CPNE4: variants seen among roughly 807,000 people sequenced by gnomAD.
The protein encoded by CPNE4 is copine 4.
CPNE4 carries 25 observed loss-of-function variants against 67.9 expected under a neutral mutation model. The observed-to-expected ratio is 0.37, with a 90% CI of 0.27 to 0.51. The LOEUF is 0.51. CPNE4 is among the 20% of genes least tolerant of loss of function. The pLI is 0.93. For synonymous variants in CPNE4, 242 were observed against 244.9 expected (o/e 0.99, Z 0.11); for missense variants, 464 against 690.8 (o/e 0.67, Z 3.68).
At chr3:131,882,987 G>T (rs551946104) in intron 2 of CPNE4, among the ~76,000 whole-genome samples, 1 of 152,188 alleles carries the variant, frequency 6.6e-6, no homozygotes, top group South Asian at 2.1e-4. Context: ...AAAGTGCTGG[G>T]ATTACAGGCG....
intron 2 of CPNE4, among the ~76,000 whole-genome samples, chr3:131,795,887 G>A (rs1481749338): frequency 2.0e-5 from 3 of 152,154 alleles, no homozygotes; most frequent in South Asian, 4.1e-4. Flanking sequence ...CTCCTCCCTT[G>A]AAGAGTCTGT....
At chr3:131,545,257 A>G (rs1935761814) in intron 14 of CPNE4, among the ~76,000 whole-genome samples, 1 of 152,212 alleles carries the variant, frequency 6.6e-6, no homozygotes, top group Non-Finnish European at 1.5e-5. Context: ...TTTTTCAACA[A>G]TTAAAAAATC....
At chr3:131,979,350 C>G (rs1328720992) in intron 1 of CPNE4, among the ~76,000 whole-genome samples, 1 of 152,042 alleles carries the variant, frequency 6.6e-6, no homozygotes, top group African/African-American at 2.4e-5. Flanking sequence ...TAATTGTTTT[C>G]TAAATGTGGG....
At position 131,777,191 on chromosome 3, in the gene CPNE4, C is replaced by T. The variant is rs139753586; in HGVS notation, c.181-53566G>A. On this transcript the variant is annotated intron_variant, in intron 2 of 15. Coordinates refer to ENST00000429747, the MANE Select transcript of CPNE4 (RefSeq NM_130808.3). ...GTGGAGGTGATATTATAGTAACTCA[C>T]GTATCTTTCCCTTGTATTGATTTGA... Among the ~76,000 whole-genome samples the T allele has an allele frequency of 4.3e-4, 66 of 152,152 alleles. 1 individual carries two copies. The highest frequency in any genetic ancestry group is 5.0e-4 in the Non-Finnish European group (34 of 68,000).
chr3:131,976,639 T>C (rs2107626163), intron 1 of CPNE4, among the ~76,000 whole-genome samples: 1 of 152,000 alleles, frequency 6.6e-6, no homozygotes, highest in Admixed American at 6.6e-5. Flanking sequence ...ATCAAGGAAA[T>C]TACTTCTGAG....
chr3:131,837,942 T>C (rs550264801), intron 2 of CPNE4, among the ~76,000 whole-genome samples: 2 of 152,106 alleles, frequency 1.3e-5, no homozygotes, highest in South Asian at 2.1e-4. Flanking sequence ...AAGTGTATAA[T>C]TGAACAGTTT....
intron 7 of CPNE4, among the ~76,000 whole-genome samples, chr3:131,643,713 G>T (rs527631879): frequency 6.6e-6 from 1 of 152,284 alleles, no homozygotes; most frequent in Non-Finnish European, 1.5e-5. Flanking sequence ...GAGGGACCTG[G>T]TGGGAGATAA....
intron 1 of CPNE4, among the ~76,000 whole-genome samples, chr3:131,939,070 G>T (rs1362981526): frequency 6.6e-6 from 1 of 152,132 alleles, no homozygotes; most frequent in Non-Finnish European, 1.5e-5. Context: ...TATGCTGGGA[G>T]ACTTAGCAAT....
intron 15 of CPNE4, among the ~76,000 whole-genome samples, chr3:131,541,203 A>G (rs972263298): frequency 3.3e-5 from 5 of 152,196 alleles, no homozygotes; most frequent in Non-Finnish European, 7.4e-5. Flanking sequence ...CACAGCTAGG[A>G]TACTCTAGAG....
intron 1 of CPNE4, among the ~76,000 whole-genome samples, chr3:131,973,842 C>G (rs2072571707): frequency 6.6e-6 from 1 of 152,184 alleles, no homozygotes; most frequent in African/African-American, 2.4e-5. Context: ...ACGTCAAAAG[C>G]ATTTATCTTG....
intron 7 of CPNE4, among the ~76,000 whole-genome samples, chr3:131,629,286 C>G (rs2079160446): frequency 6.6e-6 from 1 of 152,132 alleles, no homozygotes; most frequent in Non-Finnish European, 1.5e-5. Context: ...GGGACGCAGC[C>G]AAACCATATC....
intron 7 of CPNE4, among the ~76,000 whole-genome samples, chr3:131,596,956 G>C (rs139583374): frequency 3.3e-5 from 5 of 152,226 alleles, no homozygotes; most frequent in African/African-American, 9.6e-5. Flanking sequence ...CCTCTTCCCT[G>C]GTTTTCATGT....
At chr3:131,536,085 A>G (rs1431341447) in intron 15 of CPNE4, among the ~76,000 whole-genome samples, 1 of 152,138 alleles carries the variant, frequency 6.6e-6, no homozygotes, top group African/African-American at 2.4e-5. Context: ...GGAAGTGTGT[A>G]TGGCAGGTGG....
intron 2 of CPNE4, among the ~76,000 whole-genome samples, chr3:131,854,478 T>C (rs188362396): frequency 3.9e-5 from 6 of 152,068 alleles, no homozygotes; most frequent in Admixed American, 3.3e-4. Context: ...TGACTATGCA[T>C]TGAACATCAA....
chr3:131,801,355 C>CATATATATATGGTACCAT (rs1560343432), intron 2 of CPNE4, among the ~76,000 whole-genome samples: 1,397 of 89,770 alleles, frequency 0.016, 38 homozygotes, highest in African/African-American at 0.043. Flanking sequence ...ATATATGTAC[C>CATATATATATGGTACCAT]ATATATATAT....
At chr3:131,664,413 G>A (rs940370556) in intron 7 of CPNE4, among the ~76,000 whole-genome samples, 2 of 152,060 alleles carry the variant, frequency 1.3e-5, no homozygotes, top group African/African-American at 4.8e-5. Context: ...CATATTTCTG[G>A]GAGAGTAATT....
At chr3:132,006,864 C>T (rs964451337) in intron 1 of CPNE4, among the ~76,000 whole-genome samples, 2 of 152,086 alleles carry the variant, frequency 1.3e-5, no homozygotes, top group African/African-American at 4.8e-5. Flanking sequence ...CAACCTGATA[C>T]TGTATTATCT....
chr3:131,953,071 C>T (rs1441828124), intron 1 of CPNE4, among the ~76,000 whole-genome samples: 1 of 151,770 alleles, frequency 6.6e-6, no homozygotes, highest in Non-Finnish European at 1.5e-5. Flanking sequence ...ATCACCACTC[C>T]CTGATCTCAA....
chr3:131,859,588 G>C (rs536895315), intron 2 of CPNE4, among the ~76,000 whole-genome samples: 1 of 152,266 alleles, frequency 6.6e-6, no homozygotes, highest in South Asian at 2.1e-4. Context: ...GCCAATAAAA[G>C]TAGAATCTCT....
Sources: allele counts gnomAD v4.1 joint callset (sites outside exome capture counted in the v4.1 genomes callset), GRCh38; gene constraint gnomAD v4.1.1; transcripts MANE v1.5; gene names NCBI Gene and HGNC (gene_info 2026-07-23, HGNC 2026-07-21).